PUS7: variants seen among roughly 807,000 people sequenced by gnomAD.
PUS7 encodes the protein pseudouridine synthase 7.
Under a neutral mutation model 79.8 loss-of-function variants are expected in PUS7, and 48 were observed. The ratio of observed to expected loss-of-function variants is 0.60; its 90% CI spans 0.48 to 0.76. The LOEUF (loss-of-function observed/expected upper bound fraction) is 0.76. PUS7 is among the 30% of genes least tolerant of loss of function. The pLI is 0.00. For missense variants in PUS7, 729 were observed against 797.6 expected (o/e 0.91, Z 1.04); for synonymous variants, 286 against 272.2 (o/e 1.05, Z -0.50).
chr7:105,512,112 T>G (rs1177837456), intron 1 of PUS7, among the ~76,000 whole-genome samples: 2 of 119,766 alleles, frequency 1.7e-5, no homozygotes, highest in East Asian at 5.4e-4. Context: ...ACCACTGCAC[T>G]CCAGCCTGGG....
Position 105,462,732 on chromosome 7 carries a change from T to C in PUS7, c.1646A>G (p.Glu549Gly), listed in dbSNP as rs1823483775. ...PKHKIQEAYR[E>G]MLTADNLDID... Reference sequence around the variant, plus strand: ...ATCAAGATTGTCAGCTGTGAGCATTTCCCTGTAGGCTTCTTGAACTAATAT... The same window carrying C: ...ATCAAGATTGTCAGCTGTGAGCATTCCCCTGTAGGCTTCTTGAACTAATAT... Residue 549 changes from glutamate to glycine, a missense_variant, in exon 14 of 16, where the codon GAA becomes GGA. By Grantham distance (98) the Glu-to-Gly change is moderately conservative. Coordinates refer to ENST00000469408, the MANE Select transcript of PUS7 (RefSeq NM_019042.5). 3 of 1,613,044 alleles carry C rather than the reference T, an allele frequency of 1.9e-6. No homozygotes were observed. In the East Asian group the frequency reaches 6.7e-5, roughly 36 times the overall value.
At chr7:105,500,305 C>A (rs975382727) in intron 5 of PUS7, among the ~76,000 whole-genome samples, 4 of 151,506 alleles carry the variant, frequency 2.6e-5, no homozygotes, top group South Asian at 4.2e-4. Context: ...ACAACAACAA[C>A]AAAAAAAAGA....
chr7:105,459,058 AATC>A, intron 15 of PUS7, 107 bp downstream of exon 15: 1 of 556,006 alleles, frequency 1.8e-6, no homozygotes, highest in East Asian at 3.0e-5. Flanking sequence ...ACAACAATGA[AATC>A]ATGGGTGGTG....
At chr7:105,502,094 C>T (rs1825277962) in intron 5 of PUS7, among the ~76,000 whole-genome samples, 1 of 151,526 alleles carries the variant, frequency 6.6e-6, no homozygotes. Context: ...AGCAATAATC[C>T]TTCTATTTTC....
chr7:105,517,823 A>G (rs1394227825), intron 1 of PUS7, among the ~76,000 whole-genome samples: 1 of 152,084 alleles, frequency 6.6e-6, no homozygotes, highest in Non-Finnish European at 1.5e-5. Flanking sequence ...CATGGACAAC[A>G]TAGTGGGACC....
At chr7:105,468,308 C>A in intron 12 of PUS7, 29 bp downstream of exon 12, 1 of 1,602,650 alleles carries the variant, frequency 6.2e-7, no homozygotes, top group African/African-American at 1.3e-5. Flanking sequence ...CCTAGCTTAG[C>A]TGAGTAACAA....
Position 105,475,266 on chromosome 7 carries a change from A to G in PUS7, c.1176-3073T>C, listed in dbSNP as rs561935469. On this transcript the variant is annotated intron_variant, in intron 9 of 15. Transcript: ENST00000469408. ...AGTGGCACGATCTCGGCTCACTGCA[A>G]GCTCCGCCTCCCGGGTTCACGCCAT... Among the ~76,000 whole-genome samples, 51 of 152,234 alleles carry G rather than the reference A, an allele frequency of 3.4e-4. No homozygotes were observed. In the East Asian group the frequency reaches 9.3e-3, roughly 28 times the overall value.
intron 5 of PUS7, among the ~76,000 whole-genome samples, chr7:105,498,098 C>T (rs747144721): frequency 8.5e-5 from 13 of 152,188 alleles, no homozygotes; most frequent in Non-Finnish European, 1.3e-4. Flanking sequence ...GGCTCACAAG[C>T]ATGCATCTTC....
At chr7:105,474,819 A>G (rs1266610853) in intron 9 of PUS7, among the ~76,000 whole-genome samples, 1 of 151,978 alleles carries the variant, frequency 6.6e-6, no homozygotes, top group African/African-American at 2.4e-5. Flanking sequence ...CCTTTGTTAA[A>G]TATCAATTAC....
intron 10 of PUS7, among the ~76,000 whole-genome samples, chr7:105,471,798 G>C (rs1823883540): frequency 6.6e-6 from 1 of 151,858 alleles, no homozygotes; most frequent in African/African-American, 2.4e-5. Flanking sequence ...TGTAATCCCA[G>C]CTACTCAGGA....
chr7:105,508,520 G>A lies in PUS7; in HGVS notation c.-8C>T. The A allele has an allele frequency of 6.2e-7, 1 of 1,603,580 alleles. No individual in the cohort carries two copies. Among genetic ancestry groups the A allele is most frequent in the Non-Finnish European group, 8.5e-7 (1 of 1,175,496 alleles). On this transcript the variant is annotated 5_prime_UTR_variant, in exon 2 of 16. Transcript: ENST00000469408. ...CATTTCTGTCATCTCCATCTTTAAG[G>A]CTCCAAGAAAACATTTAAGAAAACC... is the stretch of plus-strand genomic sequence containing the variant.
intron 1 of PUS7, among the ~76,000 whole-genome samples, chr7:105,517,964 A>G (rs1175133568): frequency 6.6e-6 from 1 of 152,200 alleles, no homozygotes; most frequent in Non-Finnish European, 1.5e-5. Context: ...CCTGGCCAGC[A>G]TGGCGAAACC....
chr7:105,493,131 T>C (rs1824865905), intron 6 of PUS7, among the ~76,000 whole-genome samples: 2 of 152,238 alleles, frequency 1.3e-5, no homozygotes, highest in African/African-American at 4.8e-5. Flanking sequence ...TGTACCACTA[T>C]GAAAATTTAT....
intron 1 of PUS7, among the ~76,000 whole-genome samples, chr7:105,518,848 A>C (rs562880539): frequency 1.3e-5 from 2 of 152,118 alleles, no homozygotes; most frequent in South Asian, 4.1e-4. Context: ...GGCTCACTGC[A>C]ACCTCTGCCT....
chr7:105,481,219 C>CAA (rs774954620), intron 8 of PUS7, 42 bp from the exon 9 acceptor site: 8 of 1,573,702 alleles, frequency 5.1e-6, no homozygotes, highest in Non-Finnish European at 6.9e-6. Flanking sequence ...AAGTTACAGT[C>CAA]AAATACTCAG....
At chr7:105,500,140 T>C (rs1049172691) in intron 5 of PUS7, among the ~76,000 whole-genome samples, 4 of 152,168 alleles carry the variant, frequency 2.6e-5, no homozygotes, top group Non-Finnish European at 4.4e-5. Flanking sequence ...TGGTTCTCTA[T>C]ACAAGAGGGA....
chr7:105,500,903 T>C (rs1825219731), intron 5 of PUS7, among the ~76,000 whole-genome samples: 1 of 152,118 alleles, frequency 6.6e-6, no homozygotes, highest in African/African-American at 2.4e-5. Flanking sequence ...AACCACACCA[T>C]TCGTTTGTGG....
chr7:105,483,847 G>C (rs1824432626), intron 7 of PUS7, among the ~76,000 whole-genome samples: 1 of 152,128 alleles, frequency 6.6e-6, no homozygotes, highest in African/African-American at 2.4e-5. Flanking sequence ...ACACATTGCA[G>C]CTGTGATGTC....
intron 14 of PUS7, among the ~76,000 whole-genome samples, chr7:105,459,845 G>C (rs1041292343): frequency 5.3e-5 from 8 of 152,232 alleles, no homozygotes; most frequent in African/African-American, 1.7e-4. Flanking sequence ...GGCCGAGGTG[G>C]GATGACTAAG....
Sources: gnomAD v4.1 joint callset for allele counts (sites outside exome capture counted in the v4.1 genomes callset) on GRCh38, gnomAD v4.1.1 for gene constraint, MANE v1.5 for transcripts, NCBI Gene and HGNC (gene_info 2026-07-23, HGNC 2026-07-21) for gene names.